SKA1: variants seen among roughly 807,000 people sequenced by gnomAD.
SKA1 encodes SKA complex subunit 1.
SKA1 carries 20 observed loss-of-function variants against 31.8 expected under a neutral mutation model. The ratio of observed to expected loss-of-function variants is 0.63; its 90% confidence interval spans 0.44 to 0.91. SKA1 has a LOEUF of 0.91. SKA1 is among the 40% of genes least tolerant of loss of function. The probability of loss-of-function intolerance (pLI) is 0.00; values close to 1 mark genes in which losing one functional copy is unlikely to be tolerated. For synonymous variants in SKA1, 88 were observed against 100.5 expected (o/e 0.88, Z 0.74); for missense variants, 253 against 298.2 (o/e 0.85, Z 1.12).
intron 5 of SKA1, among the ~76,000 whole-genome samples, chr18:50,387,315 T>A (rs1458366562): frequency 6.6e-6 from 1 of 152,260 alleles, no homozygotes; most frequent in African/African-American, 2.4e-5. Flanking sequence ...AGCTGAGCTA[T>A]CGAAGGAAGC....
At chr18:50,377,665 G>A (rs2041230788) in intron 2 of SKA1, among the ~76,000 whole-genome samples, 2 of 152,138 alleles carry the variant, frequency 1.3e-5, no homozygotes, top group Admixed American at 6.5e-5. Context: ...GAGGGTAACG[G>A]TTTATTGGCA....
Position 50,392,337 on chromosome 18 carries a change from A to C in SKA1, c.*90A>C, listed in dbSNP as rs1260971183. Reference sequence around the variant, plus strand: ...CTTATATATAATTTTTTTAACTTTTAATCTTTTTTGTTTCCTTTTTTTTTT... The same window carrying C: ...CTTATATATAATTTTTTTAACTTTTCATCTTTTTTGTTTCCTTTTTTTTTT... On this transcript the variant is annotated 3_prime_UTR_variant, in exon 7 of 7. Transcript: ENST00000285116. 1 of 890,570 alleles carries C rather than the reference A, an allele frequency of 1.1e-6. No homozygotes were observed. Among genetic ancestry groups the C allele is most frequent in the Non-Finnish European group, 1.5e-6 (1 of 670,652 alleles). The allele number at this position is 890,570 out of a possible 1,614,324, so 55.2% of individuals were successfully genotyped here. A position where few individuals can be genotyped will look rare whatever the true frequency, so the allele number is the denominator to read the frequency against.
chr18:50,392,348 T>G lies in SKA1; in HGVS notation c.*101T>G. 1.3e-6 allele frequency: 1 copy of G among 799,860 alleles called. No individual in the cohort carries two copies. Among genetic ancestry groups the G allele is most frequent in the Non-Finnish European group, 1.7e-6 (1 of 591,914 alleles). The allele number at this position is 799,860 out of a possible 1,614,324, so 49.5% of individuals were successfully genotyped here. A position where few individuals can be genotyped will look rare whatever the true frequency, so the allele number is the denominator to read the frequency against. ...TTTTTTTAACTTTTAATCTTTTTTG[T>G]TTCCTTTTTTTTTTTTTTGAGACAG... On this transcript the variant is annotated 3_prime_UTR_variant, in exon 7 of 7. Transcript: ENST00000285116.
chr18:50,382,119 T>C lies in SKA1; in HGVS notation c.214-10T>C, dbSNP rs748256083. ...ACAGAGACTTATTTGTGAGCACTTT[T>C]AAATTTTAGGAACTCTGTGAATCTC... On this transcript the variant is annotated splice_polypyrimidine_tract_variant and intron_variant, in intron 3 of 6. Transcript: ENST00000285116. 1 of 1,478,012 alleles carries C rather than the reference T, an allele frequency of 6.8e-7. No individual in the cohort carries two copies. The highest frequency in any genetic ancestry group is 9.1e-7 in the Non-Finnish European group (1 of 1,096,902). 91.6% of individuals were successfully genotyped at this position (1,478,012 alleles called of 1,614,324 possible).
At chr18:50,383,213 A>T (rs1013363868) in intron 4 of SKA1, among the ~76,000 whole-genome samples, 1 of 152,144 alleles carries the variant, frequency 6.6e-6, no homozygotes, top group African/African-American at 2.4e-5. Context: ...GTTGAAGGTC[A>T]TGAAGAGGTC....
Position 50,385,338 on chromosome 18 carries a change from T to TATA in SKA1, c.434_435insATA (p.Phe145delinsLeuTyr), listed in dbSNP as rs1234264929. 6.2e-7 allele frequency: 1 copy of TATA among 1,608,864 alleles called. No individual in the cohort carries two copies. Among genetic ancestry groups the TATA allele is most frequent in the African/African-American group, 1.3e-5 (1 of 74,726 alleles). On this transcript the variant is annotated protein_altering_variant, in exon 5 of 7. Transcript: ENST00000285116. The stretch of plus-strand genomic sequence containing the variant: ...ATGCCATTTATAACTTGTGATGAGT[T>TATA]CAATGGTGTTCCTTCGTAAGTATTT...
chr18:50,390,443 C>A (rs999281348), intron 5 of SKA1, among the ~76,000 whole-genome samples: 1 of 152,138 alleles, frequency 6.6e-6, no homozygotes, highest in African/African-American at 2.4e-5. Context: ...TTGTAAGACT[C>A]CATGGTGACT....
At position 50,379,800 on chromosome 18, in the gene SKA1, C is replaced by T. The variant is rs1287713094; in HGVS notation, c.89-326C>T. 2.0e-5 allele frequency among the ~76,000 whole-genome samples: 3 copies of T among 152,186 alleles called. No homozygotes were observed. The East Asian group carries it at 5.8e-4, about 29-fold the overall frequency. Reference sequence around the variant, plus strand: ...TCATATTGGAACCCCTGGAAATTTGCCTTTTTCTCATGAAAGCTTAGCTGT... The same window carrying T: ...TCATATTGGAACCCCTGGAAATTTGTCTTTTTCTCATGAAAGCTTAGCTGT... On this transcript the variant is annotated intron_variant, in intron 2 of 6. Coordinates refer to ENST00000285116, the MANE Select transcript of SKA1 (RefSeq NM_145060.4).
At chr18:50,391,768 A>G (rs1258917453) in intron 6 of SKA1, among the ~76,000 whole-genome samples, 3 of 152,356 alleles carry the variant, frequency 2.0e-5, no homozygotes, top group Admixed American at 6.5e-5. Context: ...TTTGTAGACT[A>G]GGCAAAGAGA....
At chr18:50,383,012 C>T (rs908064869) in intron 4 of SKA1, among the ~76,000 whole-genome samples, 11 of 151,902 alleles carry the variant, frequency 7.2e-5, no homozygotes, top group Middle Eastern at 3.4e-3. Flanking sequence ...CCAGGCTGGG[C>T]GACAGAGTAA....
At chr18:50,382,096 A>G in intron 3 of SKA1, 33 bp from the exon 4 acceptor site, 1 of 1,227,276 alleles carries the variant, frequency 8.1e-7, no homozygotes, top group Non-Finnish European at 1.1e-6. Flanking sequence ...TGGGGAGGAC[A>G]GAGACTTATT....
chr18:50,386,840 AC>A (rs1351452518), intron 5 of SKA1, among the ~76,000 whole-genome samples: 1 of 152,114 alleles, frequency 6.6e-6, no homozygotes, highest in Non-Finnish European at 1.5e-5. Flanking sequence ...GATCCCTTGT[AC>A]CTTTTTGTGG....
intron 2 of SKA1, among the ~76,000 whole-genome samples, chr18:50,376,696 T>A (rs1013567611): frequency 6.6e-6 from 1 of 152,252 alleles, no homozygotes; most frequent in Non-Finnish European, 1.5e-5. Flanking sequence ...TATAACTTTT[T>A]TACTTAATAA....
At chr18:50,385,451 C>A in intron 5 of SKA1, 98 bp downstream of exon 5, 4 of 1,077,900 alleles carry the variant, frequency 3.7e-6, no homozygotes, top group Non-Finnish European at 5.1e-6. Flanking sequence ...ATGCTATGTT[C>A]AAATATTGAT....
At chr18:50,378,446 G>A (rs2041238711) in intron 2 of SKA1, among the ~76,000 whole-genome samples, 1 of 152,168 alleles carries the variant, frequency 6.6e-6, no homozygotes, top group Admixed American at 6.5e-5. Flanking sequence ...GGAGGCCAAG[G>A]CAGGCGGATC....
intron 6 of SKA1, 145 bp downstream of exon 6, chr18:50,391,438 C>CAT: frequency 3.5e-6 from 3 of 860,140 alleles, no homozygotes; most frequent in Non-Finnish European, 5.0e-6. Context: ...GACATTTTAC[C>CAT]ATGTCTGGAG....
At chr18:50,385,471 A>C in intron 5 of SKA1, 118 bp downstream of exon 5, 1 of 935,632 alleles carries the variant, frequency 1.1e-6, no homozygotes, top group Non-Finnish European at 1.5e-6. Context: ...TCTTTTAAAA[A>C]AGTTTCACAT....
chr18:50,379,501 A>G (rs1265239998), intron 2 of SKA1, among the ~76,000 whole-genome samples: 1 of 152,196 alleles, frequency 6.6e-6, no homozygotes, highest in Non-Finnish European at 1.5e-5. Context: ...GGCCTGTCTA[A>G]AACATAAGCT....
intron 5 of SKA1, among the ~76,000 whole-genome samples, chr18:50,387,090 A>C (rs975705354): frequency 1.1e-4 from 17 of 152,172 alleles, no homozygotes; most frequent in African/African-American, 3.9e-4. Flanking sequence ...TTTTGTAAAA[A>C]CCTGCCAATG....
Sources: allele counts gnomAD v4.1 joint callset (sites outside exome capture counted in the v4.1 genomes callset), GRCh38; gene constraint gnomAD v4.1.1; transcripts MANE v1.5; gene names NCBI Gene and HGNC (gene_info 2026-07-23, HGNC 2026-07-21).